Variants in CACHD1 observed in about 807,000 individuals in gnomAD.
CACHD1 encodes VWFA and cache domain-containing protein 1.
In CACHD1, 71 loss-of-function variants were observed where a neutral mutation model predicts 138.7. The ratio of observed to expected loss-of-function variants is 0.51; its 90% confidence interval spans 0.42 to 0.62. The LOEUF is 0.62. Ranked by LOEUF, CACHD1 falls within the 20% of genes least tolerant of loss-of-function variation. CACHD1 has a pLI of 0.00. For synonymous variants in CACHD1, 578 were observed against 591.5 expected (o/e 0.98, Z 0.33); for missense variants, 1,389 against 1,625.3 (o/e 0.85, Z 2.50).
intron 2 of CACHD1, among the ~76,000 whole-genome samples, chr1:64,559,078 A>G (rs1646819581): frequency 6.6e-6 from 1 of 152,200 alleles, no homozygotes; most frequent in African/African-American, 2.4e-5. Context: ...CATTGTGGAA[A>G]GCAGTATGGC....
chr1:64,566,033 T>C (rs879600971), intron 2 of CACHD1, among the ~76,000 whole-genome samples: 1 of 152,210 alleles, frequency 6.6e-6, no homozygotes, highest in Non-Finnish European at 1.5e-5. Flanking sequence ...CTTTTATTCT[T>C]GGCTGAAATG....
chr1:64,556,384 A>G (rs1398873155), intron 2 of CACHD1, among the ~76,000 whole-genome samples: 5 of 152,178 alleles, frequency 3.3e-5, no homozygotes, highest in African/African-American at 1.2e-4. Flanking sequence ...GGTGAAAGGG[A>G]ACCGTTTCTT....
At position 64,663,756 on chromosome 1, in the gene CACHD1, G is replaced by C. The variant is rs762058568; in HGVS notation, c.2013G>C (p.Gln671His). 5 of 1,614,042 alleles carry C rather than the reference G, an allele frequency of 3.1e-6. No homozygotes were observed. The South Asian group carries it at 3.3e-5, about 11-fold the overall frequency. The change falls in exon 14 of 27, where the codon CAG (glutamine) becomes CAC (histidine). Residue 671 changes from glutamine to histidine, a missense_variant. Gln to His is a conservative substitution (Grantham distance 24). Transcript: ENST00000651257. ...CCTCCCCCTATGAGCACCTCAGCCA[G>C]CCAGAGACAAAGCGCATGGTAGAGC... ...SFSSPYEHLS[Q>H]PETKRMVEHY...
chr1:64,638,010 T>C (rs1323196705), intron 7 of CACHD1, among the ~76,000 whole-genome samples: 1 of 152,182 alleles, frequency 6.6e-6, no homozygotes, highest in Non-Finnish European at 1.5e-5. Flanking sequence ...GGTGATAATA[T>C]CCAGGATTCC....
chr1:64,631,387 C>T (rs1648298174), intron 5 of CACHD1, among the ~76,000 whole-genome samples: 1 of 152,170 alleles, frequency 6.6e-6, no homozygotes, highest in African/African-American at 2.4e-5. Flanking sequence ...TCCCTAGTGG[C>T]TCAATGGTAT....
chr1:64,663,720 T>A lies in CACHD1; in HGVS notation c.1977T>A (p.Ala659=). The change falls in exon 14 of 27, where the codon GCT becomes GCA. Residue 659 remains alanine, a synonymous_variant. Coordinates refer to ENST00000651257, the MANE Select transcript of CACHD1 (RefSeq NM_020925.4). ...AAAGTCCCACCATCATGCTGTCTGC[T>A]GGCAGCTTTTCCTCCCCCTATGAGC... ...TLESPTIMLS[A]GSFSSPYEHL... 2 of 1,614,120 alleles carry A rather than the reference T, an allele frequency of 1.2e-6. No individual in the cohort carries two copies. The highest frequency in any genetic ancestry group is 1.7e-6 in the Non-Finnish European group (2 of 1,180,008).
chr1:64,553,856 G>A (rs1463091985), intron 2 of CACHD1, among the ~76,000 whole-genome samples: 1 of 152,020 alleles, frequency 6.6e-6, no homozygotes, highest in Non-Finnish European at 1.5e-5. Flanking sequence ...TAAATTTTAA[G>A]CATATGTTTA....
At position 64,489,246 on chromosome 1, in the gene CACHD1, A is replaced by G. The variant is rs150402839; in HGVS notation, c.198+18304A>G. Among the ~76,000 whole-genome samples, 154 of 152,250 alleles carry G rather than the reference A, an allele frequency of 1.0e-3. 3 individuals are homozygous for G. The highest frequency in any genetic ancestry group is 5.2e-3 in the South Asian group (25 of 4,828). ...CAACTTGGTTTTTTATTTCCGTCTT[A>G]TAACTGAGCTGCCAGTTGCCCTGAG... On this transcript the variant is annotated intron_variant, in intron 1 of 26. Transcript: ENST00000651257.
At chr1:64,665,209 C>T (rs1649590729) in intron 15 of CACHD1, among the ~76,000 whole-genome samples, 1 of 152,110 alleles carries the variant, frequency 6.6e-6, no homozygotes, top group East Asian at 1.9e-4. Context: ...AACCCTAGCA[C>T]TTTGGGAGGC....
chr1:64,538,118 C>T (rs961504164), intron 1 of CACHD1, among the ~76,000 whole-genome samples: 7 of 152,080 alleles, frequency 4.6e-5, no homozygotes, highest in Admixed American at 6.6e-5. Flanking sequence ...ATTCGATATG[C>T]GTGACAGGCA....
chr1:64,678,352 A>G, intron 23 of CACHD1, 42 bp downstream of exon 23: 5 of 1,510,658 alleles, frequency 3.3e-6, no homozygotes, highest in Non-Finnish European at 4.4e-6. Context: ...TCTTGAATAT[A>G]CAATTTCCTG....
At chr1:64,543,788 C>T (rs755292361) in intron 1 of CACHD1, among the ~76,000 whole-genome samples, 11 of 148,724 alleles carry the variant, frequency 7.4e-5, no homozygotes, top group Non-Finnish European at 1.5e-4. Flanking sequence ...ATGGGGTATA[C>T]TTAGGGAAGA....
intron 4 of CACHD1, among the ~76,000 whole-genome samples, chr1:64,605,021 C>A (rs1255739713): frequency 6.7e-6 from 1 of 148,354 alleles, no homozygotes. Flanking sequence ...GGCTGGAGTG[C>A]AGTGATGCAG....
intron 1 of CACHD1, among the ~76,000 whole-genome samples, 174 bp from the exon 2 acceptor site, chr1:64,550,420 A>G (rs1292804021): frequency 6.6e-6 from 1 of 152,194 alleles, no homozygotes; most frequent in Non-Finnish European, 1.5e-5. Context: ...TATTGCTTAC[A>G]TAAGTGTGAT....
intron 1 of CACHD1, among the ~76,000 whole-genome samples, chr1:64,525,398 C>G (rs1646530503): frequency 6.6e-6 from 1 of 152,146 alleles, no homozygotes; most frequent in Non-Finnish European, 1.5e-5. Context: ...ACCTATCAGA[C>G]ATTCTTTTCC....
intron 14 of CACHD1, 52 bp downstream of exon 14, chr1:64,663,889 C>T (rs368843955): frequency 7.1e-5 from 114 of 1,608,376 alleles, no homozygotes; most frequent in Non-Finnish European, 6.4e-5. Flanking sequence ...ACAGGCCCAG[C>T]AGGGGGTGCT....
chr1:64,582,544 G>T (rs1647021254), intron 3 of CACHD1, among the ~76,000 whole-genome samples: 1 of 152,154 alleles, frequency 6.6e-6, no homozygotes, highest in African/African-American at 2.4e-5. Flanking sequence ...TGAAATGCAA[G>T]TTGAGGAGTA....
rs2100759686 is a variant in CACHD1 at position 64,692,867 on chromosome 1, A to T, written c.*1306A>T. The T allele has an allele frequency of 6.5e-6, 1 of 152,774 alleles. No homozygotes were observed. Among genetic ancestry groups the T allele is most frequent in the South Asian group, 2.1e-4 (1 of 4,826 alleles). 9.5% of individuals were successfully genotyped at this position (152,774 alleles called of 1,614,324 possible). On this transcript the variant is annotated 3_prime_UTR_variant, in exon 27 of 27. Transcript: ENST00000651257. ...CCATGGTAAAGAATGTGTGTGGTAA[A>T]TCTCCGTTTATATGTAGTTGGAAAA...
chr1:64,551,765 A>G (rs1646760712), intron 2 of CACHD1, among the ~76,000 whole-genome samples: 1 of 152,144 alleles, frequency 6.6e-6, no homozygotes, highest in South Asian at 2.1e-4. Context: ...TTAAAGATTG[A>G]GTTTCTGCAG....
Sources: allele counts gnomAD v4.1 joint callset (sites outside exome capture counted in the v4.1 genomes callset), GRCh38; gene constraint gnomAD v4.1.1; transcripts MANE v1.5; gene names NCBI Gene and HGNC (gene_info 2026-07-23, HGNC 2026-07-21).